PLPPR1: variants seen among roughly 807,000 people sequenced by gnomAD.
PLPPR1 encodes phospholipid phosphatase related 1, also known as phospholipid phosphatase-related protein type 1.
In PLPPR1, 10 loss-of-function variants were observed where a neutral mutation model predicts 33.1. That is an observed-to-expected ratio of 0.30 (90% CI 0.19 to 0.51). The LOEUF is 0.51. Ranked by LOEUF, PLPPR1 falls within the 20% of genes least tolerant of loss-of-function variation. PLPPR1 has a pLI of 0.97. For synonymous variants in PLPPR1, 151 were observed against 151.0 expected (o/e 1.00, Z 0.00); for missense variants, 304 against 408.1 (o/e 0.74, Z 2.20).
chr9:101,276,028 G>C lies in PLPPR1; in HGVS notation c.252+5960G>C, dbSNP rs76327951. On this transcript the variant is annotated intron_variant, in intron 3 of 7. Coordinates refer to ENST00000374874, the MANE Select transcript of PLPPR1 (RefSeq NM_207299.2). ...CCCAGAGCACAGTGCAGATCACAAA[G>C]TGGGCTCTCAATAATGCAAGCCTGT... 3.9e-3 allele frequency among the ~76,000 whole-genome samples: 595 copies of C among 152,230 alleles called. 2 individuals carry two copies. The highest frequency in any genetic ancestry group is 0.014 in the African/African-American group (575 of 41,542).
At chr9:101,316,806 C>G (rs1829061154) in intron 6 of PLPPR1, among the ~76,000 whole-genome samples, 1 of 152,016 alleles carries the variant, frequency 6.6e-6, no homozygotes, top group Admixed American at 6.6e-5. Flanking sequence ...GAGTTAAAGA[C>G]CAGCTAACAT....
At chr9:101,225,665 A>T (rs1009265836) in intron 2 of PLPPR1, among the ~76,000 whole-genome samples, 7 of 151,840 alleles carry the variant, frequency 4.6e-5, no homozygotes, top group African/African-American at 1.4e-4. Context: ...TCACACACCC[A>T]TGCTTACACA....
chr9:101,175,682 A>C (rs993497595), intron 1 of PLPPR1, among the ~76,000 whole-genome samples: 2 of 152,176 alleles, frequency 1.3e-5, no homozygotes, highest in Non-Finnish European at 2.9e-5. Flanking sequence ...GGCATAATTT[A>C]AGAATAAGTG....
chr9:101,038,297 T>C (rs1396746444), intron 1 of PLPPR1, among the ~76,000 whole-genome samples: 1 of 152,156 alleles, frequency 6.6e-6, no homozygotes, highest in Non-Finnish European at 1.5e-5. Flanking sequence ...TCAGTTGATA[T>C]ATCTTAGGGT....
At chr9:101,031,935 C>T (rs973742129) in intron 1 of PLPPR1, among the ~76,000 whole-genome samples, 1 of 152,080 alleles carries the variant, frequency 6.6e-6, no homozygotes, top group African/African-American at 2.4e-5. Context: ...TAGAGATATG[C>T]TCAGAATGCC....
intron 3 of PLPPR1, among the ~76,000 whole-genome samples, chr9:101,277,387 T>C (rs1326638532): frequency 6.6e-6 from 1 of 152,162 alleles, no homozygotes; most frequent in Non-Finnish European, 1.5e-5. Flanking sequence ...TGTGATGACT[T>C]GGGGTAGGCT....
intron 1 of PLPPR1, among the ~76,000 whole-genome samples, chr9:101,117,668 A>G (rs1831132153): frequency 6.6e-6 from 1 of 152,204 alleles, no homozygotes; most frequent in Non-Finnish European, 1.5e-5. Context: ...TAAAAAAAAA[A>G]AAAAAAGTAC....
chr9:101,215,386 T>C (rs1826773590), intron 2 of PLPPR1, among the ~76,000 whole-genome samples: 1 of 151,980 alleles, frequency 6.6e-6, no homozygotes, highest in Non-Finnish European at 1.5e-5. Flanking sequence ...TTCAAGGGAT[T>C]CTCCTGCCTC....
chr9:101,231,886 CT>C (rs1269972722), intron 2 of PLPPR1, among the ~76,000 whole-genome samples: 1 of 152,058 alleles, frequency 6.6e-6, no homozygotes, highest in Non-Finnish European at 1.5e-5. Flanking sequence ...CTGAATTTCT[CT>C]CATTATCTTC....
At chr9:101,063,834 T>G in intron 1 of PLPPR1, among the ~76,000 whole-genome samples, 1 of 151,974 alleles carries the variant, frequency 6.6e-6, no homozygotes, top group Non-Finnish European at 1.5e-5. Flanking sequence ...TTACAGCGCT[T>G]ACCATAATTG....
chr9:101,037,159 C>T (rs927239665), intron 1 of PLPPR1, among the ~76,000 whole-genome samples: 2 of 152,034 alleles, frequency 1.3e-5, no homozygotes, highest in Non-Finnish European at 2.9e-5. Flanking sequence ...CCTCATTATA[C>T]GGTACATTTA....
chr9:101,075,308 G>T (rs992200174), intron 1 of PLPPR1, among the ~76,000 whole-genome samples: 1 of 152,022 alleles, frequency 6.6e-6, no homozygotes, highest in African/African-American at 2.4e-5. Context: ...TGTTTGATTT[G>T]TTCACCACAC....
At chr9:101,092,102 G>T (rs2118533627) in intron 1 of PLPPR1, among the ~76,000 whole-genome samples, 1 of 152,124 alleles carries the variant, frequency 6.6e-6, no homozygotes, top group South Asian at 2.1e-4. Context: ...AGCACAACAT[G>T]CTCTCTCTCA....
intron 2 of PLPPR1, among the ~76,000 whole-genome samples, chr9:101,246,608 T>A (rs1471331887): frequency 6.6e-6 from 1 of 151,934 alleles, no homozygotes; most frequent in African/African-American, 2.4e-5. Context: ...CCTTCTAGAG[T>A]CTGGTGCCTT....
chr9:101,285,058 A>C (rs763343651), intron 3 of PLPPR1, among the ~76,000 whole-genome samples: 1 of 152,218 alleles, frequency 6.6e-6, no homozygotes, highest in Non-Finnish European at 1.5e-5. Flanking sequence ...ACAGTAAAGC[A>C]AGGATAATTA....
At position 101,221,177 on chromosome 9, in the gene PLPPR1, C is replaced by T. The variant is rs547854059; in HGVS notation, c.63+35620C>T. On this transcript the variant is annotated intron_variant, in intron 2 of 7. Transcript: ENST00000374874. The stretch of plus-strand genomic sequence containing the variant: ...TTCTTTAGTGGTGATTTGTGAGATC[C>T]TGGTGTACCCATCACCTGAGCAGTA... Among the ~76,000 whole-genome samples, 15 of 152,224 alleles carry T rather than the reference C, an allele frequency of 9.9e-5. 1 individual carries two copies. In the South Asian group the frequency reaches 3.1e-3, roughly 32 times the overall value.
chr9:101,289,675 C>G (rs1194076007), intron 4 of PLPPR1, among the ~76,000 whole-genome samples: 1 of 152,220 alleles, frequency 6.6e-6, no homozygotes, highest in African/African-American at 2.4e-5. Context: ...CATTTTCTCT[C>G]TTTGCCCACT....
At chr9:101,095,133 A>C (rs146046851) in intron 1 of PLPPR1, among the ~76,000 whole-genome samples, 1 of 152,188 alleles carries the variant, frequency 6.6e-6, no homozygotes, top group African/African-American at 2.4e-5. Context: ...GTCCATTAGT[A>C]CCATGTTTTC....
chr9:101,079,669 T>TC (rs1253229127), intron 1 of PLPPR1, among the ~76,000 whole-genome samples: 1 of 152,004 alleles, frequency 6.6e-6, no homozygotes, highest in Non-Finnish European at 1.5e-5. Flanking sequence ...AACCTCTGTC[T>TC]CCCAGGTTCA....
Sources: gnomAD v4.1 joint callset for allele counts (sites outside exome capture counted in the v4.1 genomes callset) on GRCh38, gnomAD v4.1.1 for gene constraint, MANE v1.5 for transcripts, NCBI Gene and HGNC (gene_info 2026-07-23, HGNC 2026-07-21) for gene names.